The following SLC38A6 variants were observed in gnomAD, a reference collection of about 807,000 sequenced individuals.
SLC38A6 encodes the protein N system amino acid transporter NAT-1.
A neutral mutation model predicts 65.0 loss-of-function variants in SLC38A6; 73 were observed. That is an observed-to-expected ratio of 1.12 (90% CI 0.93 to 1.37). SLC38A6 has a LOEUF of 1.37. Ranked by LOEUF, SLC38A6 falls within the 40% of genes most tolerant of loss-of-function variation. SLC38A6 has a pLI of 0.00. For synonymous variants in SLC38A6, 183 were observed against 178.8 expected (o/e 1.02, Z -0.19); for missense variants, 561 against 531.1 (o/e 1.06, Z -0.55).
intron 15 of SLC38A6, among the ~76,000 whole-genome samples, chr14:61,076,695 G>C (rs959806253): frequency 6.6e-6 from 1 of 152,168 alleles, no homozygotes; most frequent in African/African-American, 2.4e-5. Context: ...TTAAAATGTG[G>C]CACCTAAATC....
intron 3 of SLC38A6, among the ~76,000 whole-genome samples, chr14:61,013,321 G>A (rs896951134): frequency 1.3e-5 from 2 of 152,122 alleles, no homozygotes; most frequent in Non-Finnish European, 2.9e-5. Flanking sequence ...ACACTGATGG[G>A]TCTTGACTCT....
chr14:60,991,325 ATATACT>A (rs1474521250), intron 3 of SLC38A6, among the ~76,000 whole-genome samples: 2 of 152,182 alleles, frequency 1.3e-5, no homozygotes, highest in African/African-American at 2.4e-5. Flanking sequence ...CTTATGTAAC[ATATACT>A]TATATAGCAC....
intron 1 of SLC38A6, 114 bp downstream of exon 1, chr14:60,981,496 C>T (rs1397887405): frequency 6.5e-6 from 10 of 1,536,156 alleles, no homozygotes; most frequent in Non-Finnish European, 8.7e-6. Flanking sequence ...ATGCTGGAGC[C>T]TGAACCCTGG....
chr14:60,985,114 T>C (rs2037360787), intron 3 of SLC38A6, among the ~76,000 whole-genome samples: 1 of 152,206 alleles, frequency 6.6e-6, no homozygotes. Flanking sequence ...CTTATGCTTA[T>C]GGAGAAATCA....
At chr14:61,036,778 C>T (rs545294155) in intron 6 of SLC38A6, among the ~76,000 whole-genome samples, 3 of 152,200 alleles carry the variant, frequency 2.0e-5, no homozygotes, top group Middle Eastern at 3.4e-3. Context: ...CATCACTCCT[C>T]ACTAATGTTG....
chr14:61,027,137 A>G (rs1031853792), intron 5 of SLC38A6, among the ~76,000 whole-genome samples: 4 of 152,118 alleles, frequency 2.6e-5, no homozygotes, highest in Non-Finnish European at 5.9e-5. Context: ...CTGTGTTTTC[A>G]GTTGACAGAT....
intron 5 of SLC38A6, among the ~76,000 whole-genome samples, chr14:61,023,337 A>G (rs1442790178): frequency 6.6e-6 from 1 of 152,064 alleles, no homozygotes; most frequent in Admixed American, 6.6e-5. Context: ...TTGGGAGGCC[A>G]AAGTGGGAGG....
chr14:60,989,607 C>G (rs2037711805), intron 3 of SLC38A6, among the ~76,000 whole-genome samples: 1 of 152,132 alleles, frequency 6.6e-6, no homozygotes, highest in African/African-American at 2.4e-5. Flanking sequence ...GCCTGTAGTC[C>G]TAGCTACTGG....
chr14:61,078,082 G>A (rs983010167), intron 15 of SLC38A6, among the ~76,000 whole-genome samples: 10 of 152,194 alleles, frequency 6.6e-5, no homozygotes, highest in African/African-American at 1.9e-4. Flanking sequence ...ACAATACCTG[G>A]GACGGTAATA....
At chr14:60,984,292 A>G (rs780742486) in intron 2 of SLC38A6, among the ~76,000 whole-genome samples, 3 of 152,226 alleles carry the variant, frequency 2.0e-5, no homozygotes, top group Admixed American at 6.5e-5. Context: ...TGAAGGTATG[A>G]TAAGGAGGTC....
intron 3 of SLC38A6, among the ~76,000 whole-genome samples, chr14:61,012,225 T>A (rs1389116583): frequency 5.3e-5 from 8 of 152,228 alleles, no homozygotes; most frequent in Non-Finnish European, 1.0e-4. Flanking sequence ...GGATCGGTGG[T>A]GATATCCCCT....
chr14:61,045,060 C>A (rs184094702), intron 10 of SLC38A6, among the ~76,000 whole-genome samples: 1 of 151,956 alleles, frequency 6.6e-6, no homozygotes, highest in Non-Finnish European at 1.5e-5. Flanking sequence ...AAAATCTTAT[C>A]CAGATAATGT....
chr14:61,045,576 C>A, intron 11 of SLC38A6, 151 bp downstream of exon 11: 1 of 618,988 alleles, frequency 1.6e-6, no homozygotes, highest in South Asian at 2.3e-5. Context: ...AGAGTTAGTT[C>A]TGTCCAAGTT....
chr14:61,001,853 G>A (rs1436544173), intron 3 of SLC38A6, among the ~76,000 whole-genome samples: 1 of 151,936 alleles, frequency 6.6e-6, no homozygotes, highest in Non-Finnish European at 1.5e-5. Flanking sequence ...ATTTAATTTT[G>A]TTCCATCAAC....
intron 14 of SLC38A6, 25 bp downstream of exon 14, chr14:61,051,956 C>A (rs761875088): frequency 1.2e-6 from 2 of 1,604,138 alleles, no homozygotes; most frequent in African/African-American, 2.7e-5. Flanking sequence ...TCAAAAAGTT[C>A]ACATAATAAA....
intron 5 of SLC38A6, among the ~76,000 whole-genome samples, chr14:61,027,763 A>C (rs1188379759): frequency 6.6e-6 from 1 of 151,734 alleles, no homozygotes; most frequent in Non-Finnish European, 1.5e-5. Flanking sequence ...TCTTACATGA[A>C]AGTTTACTTG....
chr14:61,073,466 C>T (rs1159140859), intron 15 of SLC38A6, among the ~76,000 whole-genome samples: 1 of 152,112 alleles, frequency 6.6e-6, no homozygotes, highest in African/African-American at 2.4e-5. Context: ...ACATTTAACC[C>T]ATAGCAGACA....
chr14:61,004,204 G>A lies in SLC38A6; in HGVS notation c.311-11700G>A, dbSNP rs543833575. 3.9e-5 allele frequency among the ~76,000 whole-genome samples: 6 copies of A among 152,166 alleles called. No individual in the cohort carries two copies. The South Asian group carries it at 1.2e-3, about 32-fold the overall frequency. On this transcript the variant is annotated intron_variant, in intron 3 of 15. Transcript: ENST00000267488. ...TGGAATCTTTCAGTATTATGGTTTT[G>A]GTTCACAGCGAAGGTATTTGCTTGC...
intron 6 of SLC38A6, among the ~76,000 whole-genome samples, chr14:61,034,689 T>C (rs1359568306): frequency 1.3e-5 from 2 of 152,178 alleles, no homozygotes; most frequent in South Asian, 2.1e-4. Flanking sequence ...ACACGTTGAG[T>C]ATCATTTTTG....
Sources: gnomAD v4.1 joint callset for allele counts (sites outside exome capture counted in the v4.1 genomes callset) on GRCh38, gnomAD v4.1.1 for gene constraint, MANE v1.5 for transcripts, NCBI Gene and HGNC (gene_info 2026-07-23, HGNC 2026-07-21) for gene names.